Variants in ROBO2 observed in about 807,000 individuals in gnomAD.
ROBO2 encodes the protein roundabout homolog 2.
In ROBO2, 53 loss-of-function variants were observed where a neutral mutation model predicts 160.8. The ratio of observed to expected loss-of-function variants is 0.33; its 90% CI spans 0.26 to 0.41. ROBO2 has a LOEUF of 0.41. Ranked by LOEUF, ROBO2 falls within the 10% of genes least tolerant of loss-of-function variation. ROBO2 has a pLI of 1.00. For missense variants in ROBO2, 1,577 were observed against 1,722.4 expected (o/e 0.92, Z 1.49); for synonymous variants, 664 against 611.7 (o/e 1.09, Z -1.26).
chr3:77,644,585 ATT>A, intron 24 of ROBO2, 117 bp from the exon 27 acceptor site: 1 of 901,456 alleles, frequency 1.1e-6, no homozygotes, highest in Non-Finnish European at 1.7e-6. Context: ...CATAATTTTA[ATT>A]TTATTAAAGA....
chr3:76,260,492 T>A (rs1395127989), intron 2 of ROBO2, among the ~76,000 whole-genome samples: 1 of 152,144 alleles, frequency 6.6e-6, no homozygotes, highest in Non-Finnish European at 1.5e-5. Flanking sequence ...TGGAAATATT[T>A]CAAGATCATT....
At chr3:76,349,297 C>G (rs2074730072) in intron 2 of ROBO2, among the ~76,000 whole-genome samples, 2 of 151,994 alleles carry the variant, frequency 1.3e-5, no homozygotes, top group Admixed American at 6.6e-5. Flanking sequence ...TTTATATACT[C>G]CTATCTCCCA....
intron 2 of ROBO2, among the ~76,000 whole-genome samples, chr3:76,561,981 T>C (rs1478936809): frequency 6.6e-6 from 1 of 152,150 alleles, no homozygotes; most frequent in Non-Finnish European, 1.5e-5. Flanking sequence ...CACTTTCCTC[T>C]TGTATCTCAG....
At chr3:76,950,841 C>T (rs773092956) in intron 2 of ROBO2, among the ~76,000 whole-genome samples, 44 of 152,180 alleles carry the variant, frequency 2.9e-4, no homozygotes, top group Non-Finnish European at 5.1e-4. Context: ...ATCCTCCTAC[C>T]TCAGTCTCCT....
intron 2 of ROBO2, among the ~76,000 whole-genome samples, chr3:75,999,077 A>T (rs994089337): frequency 6.6e-6 from 1 of 152,192 alleles, no homozygotes; most frequent in African/African-American, 2.4e-5. Context: ...TTTAAATCCT[A>T]CATCCTCTGC....
At chr3:76,507,486 A>T (rs2080856713) in intron 2 of ROBO2, among the ~76,000 whole-genome samples, 1 of 152,236 alleles carries the variant, frequency 6.6e-6, no homozygotes, top group South Asian at 2.1e-4. Context: ...GAGAATGTTA[A>T]ATCTAATACT....
intron 2 of ROBO2, among the ~76,000 whole-genome samples, chr3:77,359,113 T>C (rs1190164082): frequency 1.3e-5 from 2 of 152,224 alleles, no homozygotes; most frequent in African/African-American, 4.8e-5. Flanking sequence ...TGCATGAGTA[T>C]CTAAATAGGA....
intron 2 of ROBO2, among the ~76,000 whole-genome samples, chr3:76,505,725 A>G (rs1301898230): frequency 1.3e-5 from 2 of 152,228 alleles, no homozygotes; most frequent in Middle Eastern, 3.4e-3. Flanking sequence ...TTTTTCCCCT[A>G]GAGCCTTGAC....
chr3:76,348,906 G>T (rs1329503130), intron 2 of ROBO2, among the ~76,000 whole-genome samples: 1 of 152,122 alleles, frequency 6.6e-6, no homozygotes, highest in Non-Finnish European at 1.5e-5. Context: ...ATGCCATCAA[G>T]GAGTGGAAAG....
chr3:76,431,132 A>T (rs2076419279), intron 2 of ROBO2, among the ~76,000 whole-genome samples: 1 of 152,122 alleles, frequency 6.6e-6, no homozygotes, highest in Admixed American at 6.6e-5. Flanking sequence ...AAACAGCATA[A>T]AAGTTCATAA....
At chr3:76,982,626 A>C (rs1448001234) in intron 2 of ROBO2, among the ~76,000 whole-genome samples, 1 of 152,224 alleles carries the variant, frequency 6.6e-6, no homozygotes, top group Non-Finnish European at 1.5e-5. Context: ...TTTTATATGA[A>C]GATATATTAC....
At chr3:77,090,361 T>C (rs1219403411) in intron 1 of ROBO2, among the ~76,000 whole-genome samples, 5 of 96,334 alleles carry the variant, frequency 5.2e-5, no homozygotes, top group Non-Finnish European at 1.0e-4. Context: ...TTTTTTTTTT[T>C]TTTTTTTTTT....
chr3:76,275,120 G>A (rs887646761), intron 2 of ROBO2, among the ~76,000 whole-genome samples: 25 of 152,048 alleles, frequency 1.6e-4, no homozygotes, highest in Non-Finnish European at 2.2e-4. Flanking sequence ...TAATTGCGCC[G>A]TGCAAGTGCT....
At chr3:77,568,824 C>T (rs774941139) in intron 13 of ROBO2, among the ~76,000 whole-genome samples, 7 of 151,918 alleles carry the variant, frequency 4.6e-5, no homozygotes, top group Non-Finnish European at 8.8e-5. Flanking sequence ...TTTCCCCTAC[C>T]GTAGCCCTGT....
In ROBO2 at chr3:76,361,152, T is replaced by TA. The variant is rs1378950812; in HGVS notation, c.109+423555dup. Among the ~76,000 whole-genome samples the TA allele has an allele frequency of 6.6e-5, 10 of 152,132 alleles. No homozygotes were observed. In the East Asian group the frequency reaches 1.9e-3, roughly 30 times the overall value. The stretch of plus-strand genomic sequence containing the variant: ...TACTCTTGATAAAGGAAACTCAAAG[T>TA]AAAAATAGAACAGTCTAAAGTGGGC... On this transcript the variant is annotated intron_variant, in intron 2 of 26. Coordinates refer to the ROBO2 transcript ENST00000487694.
intron 2 of ROBO2, among the ~76,000 whole-genome samples, chr3:76,964,328 GT>G (rs2079905792): frequency 2.0e-5 from 3 of 151,840 alleles, no homozygotes; most frequent in Admixed American, 1.3e-4. Context: ...TACTCCTTTT[GT>G]TTTTGTTTTG....
At chr3:76,490,909 G>A (rs13091068) in intron 2 of ROBO2, among the ~76,000 whole-genome samples, 40,756 of 151,844 alleles carry the variant, frequency 0.27, 6,763 homozygotes, top group East Asian at 0.38. Flanking sequence ...TAAATAAAAG[G>A]CAAATAGAAC....
intron 2 of ROBO2, among the ~76,000 whole-genome samples, chr3:76,335,178 GTTTTTTT>G (rs34963831): frequency 1.3e-5 from 1 of 77,874 alleles, no homozygotes; most frequent in Admixed American, 1.9e-4. Flanking sequence ...TTTCTGTTTT[GTTTTTTT>G]TTTTTTTTTT....
chr3:76,733,812 T>C (rs917039154), intron 2 of ROBO2, among the ~76,000 whole-genome samples: 7 of 152,238 alleles, frequency 4.6e-5, no homozygotes, highest in Non-Finnish European at 8.8e-5. Flanking sequence ...AATGGCTGGA[T>C]GGCTTACACA....
Sources: allele counts gnomAD v4.1 joint callset (sites outside exome capture counted in the v4.1 genomes callset), GRCh38; gene constraint gnomAD v4.1.1; transcripts MANE v1.5; gene names NCBI Gene and HGNC (gene_info 2026-07-23, HGNC 2026-07-21).